The following LUZP2 variants were observed in gnomAD, a reference collection of about 807,000 sequenced individuals.
LUZP2 encodes the protein leucine zipper protein 2.
A neutral mutation model predicts 51.6 loss-of-function variants in LUZP2; 52 were observed. The observed-to-expected ratio is 1.01, with a 90% CI of 0.81 to 1.27. LUZP2 has a LOEUF of 1.27. Among genes scored for constraint, LUZP2 ranks in the 50% most tolerant of loss-of-function variants. LUZP2 has a pLI of 0.00. For missense variants in LUZP2, 436 were observed against 395.4 expected (o/e 1.10, Z -0.87); for synonymous variants, 154 against 137.3 (o/e 1.12, Z -0.85).
At chr11:24,920,379 A>T (rs1854003596) in intron 7 of LUZP2, among the ~76,000 whole-genome samples, 1 of 152,010 alleles carries the variant, frequency 6.6e-6, no homozygotes, top group South Asian at 2.1e-4. Flanking sequence ...TAGTTTCTAT[A>T]TGCATACAAC....
intron 4 of LUZP2, among the ~76,000 whole-genome samples, chr11:24,760,703 A>G (rs1249052065): frequency 6.6e-6 from 1 of 152,118 alleles, no homozygotes; most frequent in African/African-American, 2.4e-5. Context: ...CTTCTGATGG[A>G]TTTTATGGAA....
intron 9 of LUZP2, among the ~76,000 whole-genome samples, chr11:25,028,989 A>G (rs772650927): frequency 1.9e-4 from 29 of 152,238 alleles, no homozygotes; most frequent in Admixed American, 6.5e-4. Context: ...CGGAAAGACA[A>G]GCATCACATG....
At chr11:24,953,198 T>G (rs899652267) in intron 7 of LUZP2, among the ~76,000 whole-genome samples, 6 of 151,904 alleles carry the variant, frequency 3.9e-5, no homozygotes, top group Non-Finnish European at 7.4e-5. Flanking sequence ...AGAAAACAAT[T>G]TTTGAAATGA....
At chr11:24,637,404 T>C (rs1855140963) in intron 1 of LUZP2, among the ~76,000 whole-genome samples, 2 of 151,852 alleles carry the variant, frequency 1.3e-5, no homozygotes, top group Admixed American at 6.6e-5. Flanking sequence ...ATTTGAACAA[T>C]ATGAAATCAG....
At chr11:24,880,885 A>G (rs1852442810) in intron 5 of LUZP2, among the ~76,000 whole-genome samples, 1 of 152,098 alleles carries the variant, frequency 6.6e-6, no homozygotes, top group African/African-American at 2.4e-5. Context: ...TCCCTCTGGC[A>G]CTATTGCAGG....
chr11:24,710,728 C>A, intron 1 of LUZP2, among the ~76,000 whole-genome samples: 2 of 152,106 alleles, frequency 1.3e-5, no homozygotes, highest in Middle Eastern at 3.4e-3. Flanking sequence ...AACCAGTGAA[C>A]TTAATACATG....
intron 6 of LUZP2, among the ~76,000 whole-genome samples, chr11:24,909,428 G>A (rs1428721015): frequency 1.3e-5 from 2 of 151,648 alleles, no homozygotes; most frequent in African/African-American, 4.8e-5. Context: ...CATGCAGTTT[G>A]GCAACTCATG....
At chr11:24,877,189 G>T (rs1288304278) in intron 5 of LUZP2, among the ~76,000 whole-genome samples, 1 of 152,102 alleles carries the variant, frequency 6.6e-6, no homozygotes, top group African/African-American at 2.4e-5. Flanking sequence ...TCATAAGATT[G>T]TTAGGAGAAG....
At chr11:24,976,532 C>A in intron 7 of LUZP2, 59 bp from the exon 8 acceptor site, 2 of 1,125,762 alleles carry the variant, frequency 1.8e-6, no homozygotes, top group African/African-American at 1.7e-5. Context: ...ATGACAGATG[C>A]TTAAAGTACA....
intron 1 of LUZP2, among the ~76,000 whole-genome samples, chr11:24,601,007 T>C (rs1294454868): frequency 6.6e-6 from 1 of 152,140 alleles, no homozygotes; most frequent in African/African-American, 2.4e-5. Context: ...AAAGATATTA[T>C]TTAGATGATC....
At chr11:24,531,039 TTTA>T (rs367681666) in intron 1 of LUZP2, among the ~76,000 whole-genome samples, 97 of 144,846 alleles carry the variant, frequency 6.7e-4, no homozygotes, top group East Asian at 2.0e-3. Context: ...TTTAGCCTCT[TTTA>T]TTATTATTAT....
At chr11:24,621,268 G>T (rs1002646888) in intron 1 of LUZP2, among the ~76,000 whole-genome samples, 13 of 152,300 alleles carry the variant, frequency 8.5e-5, no homozygotes, top group African/African-American at 2.9e-4. Context: ...AAGACAAAAG[G>T]TTTGAGATTC....
At chr11:24,783,027 T>C (rs2134077911) in intron 5 of LUZP2, among the ~76,000 whole-genome samples, 1 of 152,104 alleles carries the variant, frequency 6.6e-6, no homozygotes, top group African/African-American at 2.4e-5. Context: ...TTTCCTCTCC[T>C]TTTCAGGTGC....
intron 1 of LUZP2, among the ~76,000 whole-genome samples, chr11:24,501,274 C>A (rs764841502): frequency 1.3e-5 from 2 of 152,190 alleles, no homozygotes; most frequent in Non-Finnish European, 2.9e-5. Context: ...TTTCCAATAG[C>A]AGTTTTTAAA....
chr11:25,062,941 C>CTTA (rs1444444096), intron 10 of LUZP2, among the ~76,000 whole-genome samples: 10 of 151,550 alleles, frequency 6.6e-5, no homozygotes, highest in African/African-American at 1.9e-4. Flanking sequence ...ATACAAATCA[C>CTTA]CATAATGAAT....
intron 1 of LUZP2, among the ~76,000 whole-genome samples, chr11:24,665,412 G>A (rs958379429): frequency 4.6e-5 from 7 of 152,106 alleles, no homozygotes; most frequent in Admixed American, 4.6e-4. Context: ...GTTAATGCTG[G>A]AATGAGTTAA....
In LUZP2 at chr11:24,511,422, T is replaced by C. The variant is rs910018617; in HGVS notation, c.62+14117T>C. ...TAATTAATTAAAAAATAAAAAAAAA[T>C]ACAATGGCAAGATTTTGGATTAGAA... On this transcript the variant is annotated intron_variant, in intron 1 of 11. Coordinates refer to ENST00000336930, the MANE Select transcript of LUZP2 (RefSeq NM_001009909.4). Among the ~76,000 whole-genome samples the C allele has an allele frequency of 2.0e-5, 3 of 150,800 alleles. No homozygotes were observed. In the Admixed American group the frequency reaches 2.0e-4, roughly 10 times the overall value.
At chr11:25,066,268 T>C (rs1023241197) in intron 10 of LUZP2, among the ~76,000 whole-genome samples, 4 of 151,882 alleles carry the variant, frequency 2.6e-5, no homozygotes, top group African/African-American at 7.2e-5. Flanking sequence ...CATTGTCCAG[T>C]GATGGTCTCA....
At chr11:24,557,371 G>A (rs1019140386) in intron 1 of LUZP2, among the ~76,000 whole-genome samples, 2 of 152,128 alleles carry the variant, frequency 1.3e-5, no homozygotes, top group African/African-American at 2.4e-5. Flanking sequence ...AGTGACATAG[G>A]AGCAGGATGA....
Sources: allele counts gnomAD v4.1 joint callset (sites outside exome capture counted in the v4.1 genomes callset), GRCh38; gene constraint gnomAD v4.1.1; transcripts MANE v1.5; gene names NCBI Gene and HGNC (gene_info 2026-07-23, HGNC 2026-07-21).